DGKD: variants seen among roughly 807,000 people sequenced by gnomAD.
DGKD encodes the protein DAG kinase delta.
DGKD carries 68 observed loss-of-function variants against 154.4 expected under a neutral mutation model. That is an observed-to-expected ratio of 0.44 (90% CI 0.36 to 0.54). The LOEUF is 0.54. Ranked by LOEUF, DGKD falls within the 20% of genes least tolerant of loss-of-function variation. DGKD has a pLI of 0.00. For synonymous variants in DGKD, 693 were observed against 638.0 expected (o/e 1.09, Z -1.30); for missense variants, 1,343 against 1,593.6 (o/e 0.84, Z 2.68).
chr2:233,379,865 G>T (rs1372146902), intron 1 of DGKD: 1 of 152,132 alleles, frequency 6.6e-6, no homozygotes, highest in Non-Finnish European at 1.5e-5. Context: ...CAGTGAAGTA[G>T]TGAGAATGGG....
intron 1 of DGKD, among the ~76,000 whole-genome samples, chr2:233,357,754 C>T (rs1701596960): frequency 6.6e-6 from 1 of 152,002 alleles, no homozygotes; most frequent in Admixed American, 6.6e-5. Flanking sequence ...CCAGGCTGGT[C>T]TCAAACTCCT....
Position 233,449,932 on chromosome 2 carries a change from C to A in DGKD, c.1889-50C>A. 6.5e-7 allele frequency: 1 copy of A among 1,527,206 alleles called. No individual in the cohort carries two copies. Among genetic ancestry groups the A allele is most frequent in the Non-Finnish European group, 8.8e-7 (1 of 1,134,874 alleles). 94.6% of individuals were successfully genotyped at this position (1,527,206 alleles called of 1,614,324 possible). On this transcript the variant is annotated intron_variant, in intron 15 of 29. Coordinates refer to ENST00000264057, the MANE Select transcript of DGKD (RefSeq NM_152879.3). This position sits in a 1 kb window ranked among gnomAD's most constrained non-coding sequence, Gnocchi z 5.3. Reference sequence around the variant, plus strand: ...GGGCCCTCCACCCAGCCTGACAGCGCCCTTGGCTTTGCACCCGCGTGCTCA... The same window carrying A: ...GGGCCCTCCACCCAGCCTGACAGCGACCTTGGCTTTGCACCCGCGTGCTCA...
Position 233,450,237 on chromosome 2 carries a change from T to C in DGKD, c.2038+106T>C, listed in dbSNP as rs1233231245. 2.2e-6 allele frequency: 3 copies of C among 1,372,166 alleles called. No homozygotes were observed. In the East Asian group the frequency reaches 7.8e-5, roughly 36 times the overall value. 85.0% of individuals were successfully genotyped at this position (1,372,166 alleles called of 1,614,324 possible). On this transcript the variant is annotated intron_variant, in intron 16 of 29. Transcript: ENST00000264057. ...TTAGGGCACTTTCTCATAGTTGCTTTGGCCACTTGGTTACATAAAAATTGA... is the reference window on the plus strand; with the variant it reads ...TTAGGGCACTTTCTCATAGTTGCTTCGGCCACTTGGTTACATAAAAATTGA...
At position 233,450,147 on chromosome 2, in the gene DGKD, C is replaced by G. The variant is rs368069963; in HGVS notation, c.2038+16C>G. 1 of 1,598,156 alleles carries G rather than the reference C, an allele frequency of 6.3e-7. No individual in the cohort carries two copies. On this transcript the variant is annotated intron_variant, in intron 16 of 29. Transcript: ENST00000264057. ...CAGCGCAAAGGTACTTGTGCCTCCA[C>G]CTCCCTCTGCGCACCGTCGTGTGCT...
intron 3 of DGKD, among the ~76,000 whole-genome samples, chr2:233,428,770 G>A (rs995694140): frequency 2.6e-5 from 4 of 152,126 alleles, no homozygotes; most frequent in African/African-American, 7.2e-5. Context: ...AAGCAAAGAG[G>A]GTCTGCCCCC....
At chr2:233,469,121 G>C (rs1024497455) in intron 29 of DGKD, among the ~76,000 whole-genome samples, 4 of 152,214 alleles carry the variant, frequency 2.6e-5, no homozygotes, top group African/African-American at 9.6e-5. Context: ...TTGCTTTTAG[G>C]CCTGTGTTTT....
At chr2:233,426,240 G>A (rs960628761) in intron 3 of DGKD, among the ~76,000 whole-genome samples, 2 of 152,002 alleles carry the variant, frequency 1.3e-5, no homozygotes, top group African/African-American at 2.4e-5. Flanking sequence ...CCTGTCTCTT[G>A]TACAGTTATT....
At chr2:233,378,284 C>T (rs926964289) in intron 1 of DGKD, among the ~76,000 whole-genome samples, 21 of 151,652 alleles carry the variant, frequency 1.4e-4, no homozygotes, top group Admixed American at 3.3e-4. Flanking sequence ...TGGTGGCGGG[C>T]GCCTGTAGTC....
intron 3 of DGKD, among the ~76,000 whole-genome samples, chr2:233,403,111 G>A (rs2061597090): frequency 6.6e-6 from 1 of 152,234 alleles, no homozygotes; most frequent in South Asian, 2.1e-4. Flanking sequence ...CAGGGAGTCG[G>A]GGACATCCAG....
chr2:233,369,708 G>A (rs1167547557), intron 1 of DGKD, among the ~76,000 whole-genome samples: 1 of 152,192 alleles, frequency 6.6e-6, no homozygotes, highest in Non-Finnish European at 1.5e-5. Flanking sequence ...GCCGTGGGGT[G>A]ATCGGCCACG....
chr2:233,416,091 A>G (rs1041871937), intron 3 of DGKD, among the ~76,000 whole-genome samples: 1 of 152,216 alleles, frequency 6.6e-6, no homozygotes, highest in African/African-American at 2.4e-5. Flanking sequence ...ATACGATGAC[A>G]TCAGTATGTC....
chr2:233,463,592 C>G (rs978502695), intron 26 of DGKD, among the ~76,000 whole-genome samples: 2 of 148,008 alleles, frequency 1.4e-5, no homozygotes, highest in Non-Finnish European at 1.5e-5. Flanking sequence ...TCTCCTCACT[C>G]CACGCATCTC....
chr2:233,436,679 A>ACAGATGT (rs1234837720), intron 7 of DGKD, among the ~76,000 whole-genome samples: 7 of 152,168 alleles, frequency 4.6e-5, no homozygotes, highest in African/African-American at 1.7e-4. Flanking sequence ...TATTGTTATG[A>ACAGATGT]CAGATGTCAC....
intron 1 of DGKD, among the ~76,000 whole-genome samples, chr2:233,381,109 G>T (rs778000924): frequency 3.9e-5 from 6 of 152,324 alleles, no homozygotes; most frequent in Non-Finnish European, 8.8e-5. Flanking sequence ...TCAGGGCCTG[G>T]CTCTGCAGAG....
chr2:233,438,421 AT>A lies in DGKD; in HGVS notation c.1085+44del. On this transcript the variant is annotated intron_variant, in intron 9 of 29. Transcript: ENST00000264057. This position sits in a 1 kb window ranked among gnomAD's most constrained non-coding sequence, Gnocchi z 4.1. ...ATATATCTTTCTTGGAGTTTTAAAA[AT>A]TGTGTAGATAGTGTGTGCTTGTTAA... The A allele has an allele frequency of 6.4e-7, 1 of 1,567,140 alleles. No individual in the cohort carries two copies. Among genetic ancestry groups the A allele is most frequent in the Non-Finnish European group, 8.7e-7 (1 of 1,154,510 alleles).
intron 1 of DGKD, among the ~76,000 whole-genome samples, chr2:233,365,020 T>C (rs1171707582): frequency 1.3e-5 from 2 of 152,184 alleles, no homozygotes; most frequent in East Asian, 1.9e-4. Flanking sequence ...AAAGATATGC[T>C]GATAAATGAG....
intron 6 of DGKD, 113 bp from the exon 7 acceptor site, chr2:233,436,203 A>G: frequency 2.6e-6 from 4 of 1,515,044 alleles, no homozygotes; most frequent in East Asian, 2.3e-5. Flanking sequence ...CCATCAGGGA[A>G]GGAGCTTGTT....
In DGKD at chr2:233,470,266, A is replaced by G. The variant is rs919515986; in HGVS notation, c.*806A>G. 1 of 152,444 alleles carries G rather than the reference A, an allele frequency of 6.6e-6. No homozygotes were observed. The highest frequency in any genetic ancestry group is 2.4e-5 in the African/African-American group (1 of 41,458). 9.4% of individuals were successfully genotyped at this position (152,444 alleles called of 1,614,324 possible). On this transcript the variant is annotated 3_prime_UTR_variant, in exon 30 of 30. Coordinates refer to ENST00000264057, the MANE Select transcript of DGKD (RefSeq NM_152879.3). ...GTGAGTGAGACAGCTTGCCAGCTGC[A>G]TCCCTGCAGACAGAGGATGTGTGTC...
chr2:233,384,317 C>T (rs1195864120), intron 1 of DGKD, among the ~76,000 whole-genome samples: 2 of 152,194 alleles, frequency 1.3e-5, no homozygotes, highest in East Asian at 3.9e-4. Flanking sequence ...CTGCTCTCCT[C>T]CGCTTCTGCC....
Sources: gnomAD v4.1 joint callset for allele counts (sites outside exome capture counted in the v4.1 genomes callset) on GRCh38, gnomAD v4.1.1 for gene constraint, Gnocchi (gnomAD v3.1) non-coding constraint, MANE v1.5 for transcripts, NCBI Gene and HGNC (gene_info 2026-07-23, HGNC 2026-07-21) for gene names.